IQCM: variants seen among roughly 807,000 people sequenced by gnomAD.
IQCM encodes IQ domain-containing protein M.
A neutral mutation model predicts 57.6 loss-of-function variants in IQCM; 45 were observed. The observed-to-expected ratio is 0.78, with a 90% CI of 0.62 to 1.00. IQCM has a LOEUF of 1.00. Among genes scored for constraint, IQCM ranks in the 50% least tolerant of loss-of-function variants. The probability of loss-of-function intolerance (pLI) is 0.00; values close to 1 mark genes in which losing one functional copy is unlikely to be tolerated. For missense variants in IQCM, 468 were observed against 511.6 expected (o/e 0.91, Z 0.82); for synonymous variants, 148 against 158.9 (o/e 0.93, Z 0.51).
intron 12 of IQCM, among the ~76,000 whole-genome samples, chr4:149,537,253 G>A (rs1747387573): frequency 6.6e-6 from 1 of 151,612 alleles, no homozygotes; most frequent in African/African-American, 2.4e-5. Flanking sequence ...TTAAAATAGA[G>A]ATTATAAAGA....
intron 8 of IQCM, among the ~76,000 whole-genome samples, chr4:149,607,556 A>G (rs917566927): frequency 6.6e-6 from 1 of 152,106 alleles, no homozygotes; most frequent in Non-Finnish European, 1.5e-5. Flanking sequence ...AAAGACAAAT[A>G]TAACAAAAAT....
chr4:149,454,910 T>C (rs552976298), intron 12 of IQCM, among the ~76,000 whole-genome samples: 47 of 152,018 alleles, frequency 3.1e-4, no homozygotes, highest in African/African-American at 1.1e-3. Flanking sequence ...AGGTTTATGT[T>C]TGCAATGAAG....
In IQCM at chr4:149,434,806, C is replaced by T. The variant is rs186008311; in HGVS notation, c.1229-1249G>A. Among the ~76,000 whole-genome samples the T allele has an allele frequency of 9.3e-4, 142 of 152,136 alleles. 1 individual carries two copies. The highest frequency in any genetic ancestry group is 3.2e-3 in the African/African-American group (135 of 41,554). On this transcript the variant is annotated intron_variant, in intron 12 of 13. Transcript: ENST00000636793. ...TGGATCTGGTGGGTCTCTCAGAAGGCTCCTGCAACTTCTCTGGCATCTCAG... is the reference window on the plus strand; with the variant it reads ...TGGATCTGGTGGGTCTCTCAGAAGGTTCCTGCAACTTCTCTGGCATCTCAG...
chr4:149,414,186 G>A (rs1192755098), intron 13 of IQCM, among the ~76,000 whole-genome samples: 1 of 152,126 alleles, frequency 6.6e-6, no homozygotes, highest in Non-Finnish European at 1.5e-5. Context: ...ACAGAGGATT[G>A]AGGAACAATT....
intron 2 of IQCM, among the ~76,000 whole-genome samples, chr4:149,751,451 TAATC>T (rs1377767603): frequency 3.3e-5 from 5 of 152,164 alleles, no homozygotes; most frequent in Non-Finnish European, 5.9e-5. Flanking sequence ...AGGCCTTGAG[TAATC>T]AATTCATTCC....
chr4:149,519,824 G>A (rs944299415), intron 12 of IQCM, among the ~76,000 whole-genome samples: 1 of 151,668 alleles, frequency 6.6e-6, no homozygotes, highest in South Asian at 2.1e-4. Flanking sequence ...CTAACACGGT[G>A]AAACCCTGTC....
At chr4:149,796,026 T>C in intron 2 of IQCM, among the ~76,000 whole-genome samples, 1 of 152,146 alleles carries the variant, frequency 6.6e-6, no homozygotes, top group Admixed American at 6.5e-5. Flanking sequence ...GGGGCGAGAC[T>C]CCTTGTGCTT....
chr4:149,366,123 T>C (rs1285022888), intron 13 of IQCM, among the ~76,000 whole-genome samples: 1 of 151,984 alleles, frequency 6.6e-6, no homozygotes, highest in Non-Finnish European at 1.5e-5. Context: ...ATTTAAAAAG[T>C]GGTACCAACT....
chr4:149,386,130 T>C (rs1731406465), intron 13 of IQCM, among the ~76,000 whole-genome samples: 1 of 152,054 alleles, frequency 6.6e-6, no homozygotes, highest in African/African-American at 2.4e-5. Flanking sequence ...TTGTACAAAA[T>C]AAGATAAGAA....
intron 13 of IQCM, among the ~76,000 whole-genome samples, chr4:149,406,950 A>T (rs535196742): frequency 6.6e-6 from 1 of 151,912 alleles, no homozygotes; most frequent in Non-Finnish European, 1.5e-5. Flanking sequence ...CACGTTTTAC[A>T]TGGTGGCAGG....
intron 13 of IQCM, among the ~76,000 whole-genome samples, chr4:149,408,248 G>C (rs747173256): frequency 6.6e-6 from 1 of 152,068 alleles, no homozygotes; most frequent in African/African-American, 2.4e-5. Flanking sequence ...GTGACATATG[G>C]AGTAATAAAG....
chr4:149,670,310 T>C (rs1419988135), intron 7 of IQCM, among the ~76,000 whole-genome samples: 1 of 152,162 alleles, frequency 6.6e-6, no homozygotes, highest in African/African-American at 2.4e-5. Flanking sequence ...ATGCCTGTGA[T>C]TTTTGCACAT....
chr4:149,573,040 T>C (rs1579539364), intron 9 of IQCM, among the ~76,000 whole-genome samples: 1 of 151,786 alleles, frequency 6.6e-6, no homozygotes. Flanking sequence ...TTCATTATAA[T>C]AGAAAAAATT....
At chr4:149,388,793 A>G (rs1351371961) in intron 13 of IQCM, among the ~76,000 whole-genome samples, 2 of 147,736 alleles carry the variant, frequency 1.4e-5, no homozygotes, top group African/African-American at 4.9e-5. Context: ...ACACACACAT[A>G]TAATCAGAGA....
At chr4:149,753,798 C>T (rs1477747115) in intron 2 of IQCM, among the ~76,000 whole-genome samples, 2 of 110,592 alleles carry the variant, frequency 1.8e-5, no homozygotes, top group Non-Finnish European at 3.4e-5. Flanking sequence ...AAGATTCCAA[C>T]ATGTGTATAA....
chr4:149,385,475 T>C (rs1210602173), intron 13 of IQCM, among the ~76,000 whole-genome samples: 1 of 152,058 alleles, frequency 6.6e-6, no homozygotes, highest in Non-Finnish European at 1.5e-5. Context: ...GGGAAGGTGA[T>C]AAGTAAGTTA....
intron 12 of IQCM, among the ~76,000 whole-genome samples, chr4:149,454,232 G>A (rs939695017): frequency 6.7e-6 from 1 of 149,420 alleles, no homozygotes; most frequent in Non-Finnish European, 1.5e-5. Flanking sequence ...AATTTATGGT[G>A]TATATACATA....
chr4:149,686,311 G>A, intron 6 of IQCM, 67 bp downstream of exon 6: 1 of 674,392 alleles, frequency 1.5e-6, no homozygotes, highest in Non-Finnish European at 2.1e-6. Flanking sequence ...CATGACAATT[G>A]GTCAGGGAAT....
intron 7 of IQCM, among the ~76,000 whole-genome samples, chr4:149,633,709 C>T (rs1287892481): frequency 6.6e-6 from 1 of 152,108 alleles, no homozygotes. Flanking sequence ...CACATATGAA[C>T]CTTTCCTCCA....
Sources: gnomAD v4.1 joint callset for allele counts (sites outside exome capture counted in the v4.1 genomes callset) on GRCh38, gnomAD v4.1.1 for gene constraint, MANE v1.5 for transcripts, NCBI Gene and HGNC (gene_info 2026-07-23, HGNC 2026-07-21) for gene names.